XRRA1: variants seen among roughly 807,000 people sequenced by gnomAD.
XRRA1 encodes X-ray radiation resistance-associated protein 1.
In XRRA1, 69 loss-of-function variants were observed where a neutral mutation model predicts 80.2. That is an observed-to-expected ratio of 0.86 (90% CI 0.71 to 1.05). The LOEUF (loss-of-function observed/expected upper bound fraction) is 1.05. Ranked by LOEUF, XRRA1 falls within the 50% of genes least tolerant of loss-of-function variation. The pLI, the probability that XRRA1 is intolerant of heterozygous loss-of-function variation, is 0.00. For synonymous variants in XRRA1, 348 were observed against 389.9 expected (o/e 0.89, Z 1.27); for missense variants, 967 against 976.4 (o/e 0.99, Z 0.13).
At chr11:74,908,082 G>C (rs1232575062) in intron 8 of XRRA1, among the ~76,000 whole-genome samples, 1 of 152,062 alleles carries the variant, frequency 6.6e-6, no homozygotes, top group Admixed American at 6.5e-5. Context: ...CACCAAAATA[G>C]TACACATAGG....
intron 11 of XRRA1, among the ~76,000 whole-genome samples, chr11:74,862,459 T>C (rs531263534): frequency 6.6e-6 from 1 of 152,308 alleles, no homozygotes; most frequent in South Asian, 2.1e-4. Context: ...TAAATCAATA[T>C]TTGGTTTACA....
chr11:74,878,094 T>C (rs2046517800), intron 10 of XRRA1, among the ~76,000 whole-genome samples: 1 of 151,060 alleles, frequency 6.6e-6, no homozygotes, highest in Admixed American at 6.6e-5. Context: ...GTAAAAGTGT[T>C]CCTATTTCTC....
At chr11:74,924,773 C>T (rs535011598) in intron 7 of XRRA1, among the ~76,000 whole-genome samples, 1 of 152,296 alleles carries the variant, frequency 6.6e-6, no homozygotes, top group African/African-American at 2.4e-5. Context: ...GCGGAGGTTG[C>T]AATAAGCTGA....
At chr11:74,913,466 C>T (rs899090301) in intron 8 of XRRA1, 2 of 152,208 alleles carry the variant, frequency 1.3e-5, no homozygotes, top group African/African-American at 4.8e-5. Context: ...CTCCCACTTT[C>T]AGCTGCTATT....
intron 4 of XRRA1, among the ~76,000 whole-genome samples, chr11:74,934,779 T>C (rs1944524415): frequency 1.3e-5 from 2 of 152,118 alleles, no homozygotes; most frequent in African/African-American, 4.8e-5. Context: ...GTGGATTTTA[T>C]CCTACGACAA....
chr11:74,864,842 G>A (rs943583939), intron 10 of XRRA1, among the ~76,000 whole-genome samples: 3 of 152,218 alleles, frequency 2.0e-5, no homozygotes, highest in African/African-American at 7.2e-5. Flanking sequence ...GAGGCTCCCA[G>A]ATGAGTTCAC....
chr11:74,867,943 CAG>C (rs1471511082), intron 10 of XRRA1, among the ~76,000 whole-genome samples: 5 of 61,222 alleles, frequency 8.2e-5, no homozygotes, highest in African/African-American at 2.5e-4. Flanking sequence ...TTTTCTGAGA[CAG>C]AGTCTTGCTC....
chr11:74,895,639 T>C (rs2052105669), intron 10 of XRRA1, among the ~76,000 whole-genome samples: 1 of 152,150 alleles, frequency 6.6e-6, no homozygotes, highest in Non-Finnish European at 1.5e-5. Flanking sequence ...CCCCAGGCAG[T>C]GCAGTTCACA....
intron 10 of XRRA1, among the ~76,000 whole-genome samples, chr11:74,877,482 T>A (rs2046319971): frequency 6.6e-6 from 1 of 152,116 alleles, no homozygotes; most frequent in Non-Finnish European, 1.5e-5. Flanking sequence ...TTTATTATAC[T>A]TTAAGTTTTA....
At chr11:74,891,203 C>A (rs1643242417) in intron 10 of XRRA1, among the ~76,000 whole-genome samples, 1 of 152,184 alleles carries the variant, frequency 6.6e-6, no homozygotes, top group Non-Finnish European at 1.5e-5. Context: ...AGCTTATCCA[C>A]CACGATGAAG....
intron 1 of XRRA1, among the ~76,000 whole-genome samples, chr11:74,946,524 A>C (rs1211007274): frequency 6.6e-6 from 1 of 152,164 alleles, no homozygotes; most frequent in African/African-American, 2.4e-5. Context: ...CCATGATTGT[A>C]AATTTCCTGA....
At chr11:74,870,924 C>T (rs1307660383) in intron 10 of XRRA1, among the ~76,000 whole-genome samples, 3 of 152,192 alleles carry the variant, frequency 2.0e-5, no homozygotes, top group African/African-American at 7.2e-5. Context: ...ACTTATTCTG[C>T]CTCTCATTAA....
intron 15 of XRRA1, among the ~76,000 whole-genome samples, chr11:74,846,624 A>G (rs1366705660): frequency 6.7e-6 from 1 of 149,402 alleles, no homozygotes; most frequent in Admixed American, 6.9e-5. Context: ...AGGTTGGTTT[A>G]ACATCTGGAA....
chr11:74,888,225 T>G (rs905179743), intron 10 of XRRA1, among the ~76,000 whole-genome samples: 1 of 152,094 alleles, frequency 6.6e-6, no homozygotes, highest in Non-Finnish European at 1.5e-5. Flanking sequence ...GAGACAAAAC[T>G]TCCAGAGGAA....
intron 8 of XRRA1, among the ~76,000 whole-genome samples, chr11:74,908,430 G>T (rs1041556848): frequency 5.3e-5 from 8 of 152,190 alleles, no homozygotes; most frequent in Non-Finnish European, 1.0e-4. Flanking sequence ...GAAATGGAAG[G>T]GGGAGCTGAT....
At chr11:74,936,809 G>C in intron 4 of XRRA1, 75 bp downstream of exon 4, 1 of 1,482,132 alleles carries the variant, frequency 6.7e-7, no homozygotes, top group East Asian at 2.4e-5. Context: ...TTGTGCCAGA[G>C]CAGGGCAAAT....
chr11:74,910,895 C>T (rs1183786268), intron 8 of XRRA1: 1 of 152,428 alleles, frequency 6.6e-6, no homozygotes, highest in Non-Finnish European at 1.5e-5. Flanking sequence ...GGCTAATGCT[C>T]AGGTTCTAGC....
chr11:74,927,361 G>T (rs774313677), intron 7 of XRRA1, 30 bp downstream of exon 7: 1 of 1,349,002 alleles, frequency 7.4e-7, no homozygotes, highest in South Asian at 1.2e-5. Context: ...GAACTTGGTG[G>T]GCACCAAAAA....
At chr11:74,863,141 A>C in intron 10 of XRRA1, 120 bp from the exon 11 acceptor site, 1 of 901,394 alleles carries the variant, frequency 1.1e-6, no homozygotes, top group Non-Finnish European at 1.8e-6. Context: ...GGGAGTTCTC[A>C]TTGGTCCTCA....
Sources: allele counts gnomAD v4.1 joint callset (sites outside exome capture counted in the v4.1 genomes callset), GRCh38; gene constraint gnomAD v4.1.1; transcripts MANE v1.5; gene names NCBI Gene and HGNC (gene_info 2026-07-23, HGNC 2026-07-21).